The following GRM5 variants were observed in gnomAD, a reference collection of about 807,000 sequenced individuals.
GRM5 encodes the protein glutamate metabotropic receptor 5.
In GRM5, 19 loss-of-function variants were observed where a neutral mutation model predicts 83.1. That is an observed-to-expected ratio of 0.23 (90% CI 0.16 to 0.34). The LOEUF (loss-of-function observed/expected upper bound fraction) is 0.34. Among genes scored for constraint, GRM5 ranks in the 10% least tolerant of loss-of-function variants. The pLI, the probability that GRM5 is intolerant of heterozygous loss-of-function variation, is 1.00. For synonymous variants in GRM5, 675 were observed against 633.6 expected (o/e 1.07, Z -0.98); for missense variants, 1,160 against 1,588.3 (o/e 0.73, Z 4.58).
chr11:89,036,075 C>T (rs1192218982), intron 2 of GRM5, among the ~76,000 whole-genome samples: 2 of 152,010 alleles, frequency 1.3e-5, no homozygotes, highest in African/African-American at 4.8e-5. Flanking sequence ...TTCAAAAGTA[C>T]TTGAAGTATA....
rs1479588679 is a variant in GRM5 at position 88,574,236 on chromosome 11, A to G, written c.1691-6244T>C. 2.0e-5 allele frequency among the ~76,000 whole-genome samples: 3 copies of G among 152,208 alleles called. No individual in the cohort carries two copies. In the South Asian group the frequency reaches 6.2e-4, roughly 32 times the overall value. ...CATTTTACAAATTAATATATTTTGTATACAATTAAATATAGAATTCTAATT... is the reference window on the plus strand; with the variant it reads ...CATTTTACAAATTAATATATTTTGTGTACAATTAAATATAGAATTCTAATT... On this transcript the variant is annotated intron_variant, in intron 7 of 9. Transcript: ENST00000305447.
intron 2 of GRM5, among the ~76,000 whole-genome samples, chr11:89,037,918 G>T (rs559995769): frequency 6.6e-6 from 1 of 152,064 alleles, no homozygotes; most frequent in Admixed American, 6.5e-5. Flanking sequence ...ATTTTAAATG[G>T]TAACCCACAG....
intron 1 of GRM5, among the ~76,000 whole-genome samples, chr11:89,059,778 C>T (rs867969832): frequency 2.0e-5 from 3 of 151,924 alleles, no homozygotes; most frequent in South Asian, 2.1e-4. Context: ...ATTTATTTTT[C>T]TCTTTATGTC....
rs77571273 is a variant in GRM5, at chr11:88,583,799, A to C, written c.1690+6802T>G. Among the ~76,000 whole-genome samples the C allele has an allele frequency of 6.8e-3, 1,031 of 152,344 alleles. 38 individuals carry two copies. The East Asian group carries it at 0.11, about 16-fold the overall frequency. ...AAGTGTCTTGGCAAATGCTTTTCAG[A>C]TAATTCTCTGAACGTCTAGCTCAAA... On this transcript the variant is annotated intron_variant, in intron 7 of 9. Coordinates refer to ENST00000305447, the MANE Select transcript of GRM5 (RefSeq NM_001143831.3).
rs149441985 is a variant in GRM5 at position 88,507,003 on chromosome 11, C to T, written c.*1589G>A. 261 of 145,752 alleles carry T rather than the reference C, an allele frequency of 1.8e-3. No individual in the cohort carries two copies. The highest frequency in any genetic ancestry group is 7.0e-3 in the African/African-American group (246 of 35,384). The allele number at this position is 145,752 out of a possible 1,614,324, so 9.0% of individuals were successfully genotyped here. A position where few individuals can be genotyped will look rare whatever the true frequency, so the allele number is the denominator to read the frequency against. Reference sequence around the variant, plus strand: ...TGAACTTTAAATTTATAGGACACCTCCTCCATTTATTACTATCCTTATTTA... The same window carrying T: ...TGAACTTTAAATTTATAGGACACCTTCTCCATTTATTACTATCCTTATTTA... On this transcript the variant is annotated 3_prime_UTR_variant, in exon 10 of 10. Transcript: ENST00000305447.
intron 2 of GRM5, among the ~76,000 whole-genome samples, chr11:88,907,424 G>A (rs1349108596): frequency 1.3e-5 from 2 of 152,110 alleles, no homozygotes; most frequent in African/African-American, 4.8e-5. Context: ...GCAAGACTGA[G>A]AGAATAAGAC....
chr11:89,064,915 T>TGTGTGTGAGA (rs1431752395), intron 1 of GRM5, among the ~76,000 whole-genome samples: 2 of 57,958 alleles, frequency 3.5e-5, no homozygotes, highest in African/African-American at 1.3e-4. Context: ...TGTGTGTGTG[T>TGTGTGTGAGA]GAGAGAGAGA....
intron 2 of GRM5, among the ~76,000 whole-genome samples, chr11:88,909,571 C>CAT (rs1270883027): frequency 2.1e-5 from 3 of 141,946 alleles, no homozygotes; most frequent in African/African-American, 7.7e-5. Flanking sequence ...CACACACACA[C>CAT]ATTTTCTATT....
intron 2 of GRM5, among the ~76,000 whole-genome samples, chr11:88,967,430 C>CT (rs55983730): frequency 1 from 151,864 of 151,868 alleles, 75,930 homozygotes; most frequent in Non-Finnish European, 1. Context: ...ATTTCTTATA[C>CT]TTTGGCACCT....
chr11:88,978,839 A>T (rs1939429868), intron 2 of GRM5, among the ~76,000 whole-genome samples: 1 of 152,164 alleles, frequency 6.6e-6, no homozygotes. Context: ...TGATGCTCAG[A>T]GTAGGGAACT....
intron 2 of GRM5, among the ~76,000 whole-genome samples, chr11:89,027,812 TA>T (rs1220928518): frequency 1.1e-4 from 17 of 152,238 alleles, no homozygotes; most frequent in Non-Finnish European, 2.2e-4. Flanking sequence ...CAAAGAAATT[TA>T]ATATCACTGC....
At chr11:89,049,377 G>A (rs1941710630) in intron 1 of GRM5, among the ~76,000 whole-genome samples, 1 of 152,098 alleles carries the variant, frequency 6.6e-6, no homozygotes, top group African/African-American at 2.4e-5. Flanking sequence ...ATCACTTAGG[G>A]GAATTGTGTA....
chr11:88,969,913 C>A (rs1939116301), intron 2 of GRM5, among the ~76,000 whole-genome samples: 1 of 152,050 alleles, frequency 6.6e-6, no homozygotes, highest in Non-Finnish European at 1.5e-5. Flanking sequence ...ATATCCACTG[C>A]CTCATTTGCC....
chr11:88,517,120 G>T (rs1375367399), intron 9 of GRM5, among the ~76,000 whole-genome samples: 1 of 120,998 alleles, frequency 8.3e-6, no homozygotes, highest in East Asian at 2.2e-4. Flanking sequence ...GTAATATATT[G>T]GCTTCTGTAC....
intron 2 of GRM5, among the ~76,000 whole-genome samples, chr11:88,874,775 A>G (rs575787592): frequency 6.6e-6 from 1 of 152,086 alleles, no homozygotes; most frequent in African/African-American, 2.4e-5. Context: ...AATAAAGCAA[A>G]TATCACAGTA....
chr11:88,724,109 T>TA (rs1941615747), intron 3 of GRM5, among the ~76,000 whole-genome samples: 1 of 152,198 alleles, frequency 6.6e-6, no homozygotes, highest in Non-Finnish European at 1.5e-5. Context: ...CGTAGCTACC[T>TA]ATTCCTCCAG....
chr11:88,713,926 C>T (rs1343091096), intron 3 of GRM5, among the ~76,000 whole-genome samples: 1 of 151,716 alleles, frequency 6.6e-6, no homozygotes, highest in Non-Finnish European at 1.5e-5. Flanking sequence ...CAATTGAAAG[C>T]AAAATATATT....
chr11:88,784,309 T>A (rs1357385127), intron 3 of GRM5, among the ~76,000 whole-genome samples: 1 of 152,068 alleles, frequency 6.6e-6, no homozygotes, highest in African/African-American at 2.4e-5. Flanking sequence ...ATCTGCTAGT[T>A]CAGAAATACC....
At chr11:88,834,914 C>T (rs1441116904) in intron 3 of GRM5, among the ~76,000 whole-genome samples, 2 of 152,084 alleles carry the variant, frequency 1.3e-5, no homozygotes, top group Non-Finnish European at 2.9e-5. Flanking sequence ...GTGTGAGAAT[C>T]CTGCCTTTTA....
Sources: allele counts gnomAD v4.1 joint callset (sites outside exome capture counted in the v4.1 genomes callset), GRCh38; gene constraint gnomAD v4.1.1; transcripts MANE v1.5; gene names NCBI Gene and HGNC (gene_info 2026-07-23, HGNC 2026-07-21).